The following LRRC4C variants were observed in gnomAD, a reference collection of about 807,000 sequenced individuals.
LRRC4C encodes leucine rich repeat containing 4C.
LRRC4C carries 5 observed loss-of-function variants against 33.6 expected under a neutral mutation model. The ratio of observed to expected loss-of-function variants is 0.15; its 90% CI spans 0.08 to 0.31. The LOEUF (loss-of-function observed/expected upper bound fraction) is 0.31. Among genes scored for constraint, LRRC4C ranks in the 10% least tolerant of loss-of-function variants. LRRC4C has a pLI of 1.00. For synonymous variants in LRRC4C, 329 were observed against 302.0 expected (o/e 1.09, Z -0.93); for missense variants, 560 against 796.7 (o/e 0.70, Z 3.58).
intron 1 of LRRC4C, among the ~76,000 whole-genome samples, chr11:41,193,505 G>A (rs1252870837): frequency 6.6e-6 from 1 of 152,112 alleles, no homozygotes; most frequent in Non-Finnish European, 1.5e-5. Context: ...AACCCATCAA[G>A]CTAGGAAGAA....
intron 1 of LRRC4C, among the ~76,000 whole-genome samples, chr11:41,289,348 T>C (rs1206171011): frequency 6.6e-6 from 1 of 152,202 alleles, no homozygotes; most frequent in Non-Finnish European, 1.5e-5. Flanking sequence ...AAGTGTATAC[T>C]GTAACCTTTA....
chr11:40,421,631 C>T (rs1016060071), intron 3 of LRRC4C, among the ~76,000 whole-genome samples: 8 of 152,186 alleles, frequency 5.3e-5, no homozygotes, highest in Admixed American at 5.2e-4. Context: ...TGATCTGCCC[C>T]ACTCATCGAC....
chr11:40,864,543 G>T (rs1006160228), intron 2 of LRRC4C, among the ~76,000 whole-genome samples: 1 of 152,170 alleles, frequency 6.6e-6, no homozygotes, highest in African/African-American at 2.4e-5. Context: ...GTCTTACAGA[G>T]AAACGTTGAT....
At chr11:41,274,459 C>T (rs1949416023) in intron 1 of LRRC4C, among the ~76,000 whole-genome samples, 1 of 152,084 alleles carries the variant, frequency 6.6e-6, no homozygotes, top group Non-Finnish European at 1.5e-5. Flanking sequence ...AAAGGAATTG[C>T]TAATGGACCA....
At chr11:40,696,748 G>GTGTATATATATATATATACA (rs368234307) in intron 2 of LRRC4C, among the ~76,000 whole-genome samples, 1 of 125,896 alleles carries the variant, frequency 7.9e-6, no homozygotes, top group African/African-American at 3.1e-5. Context: ...TATACACTGT[G>GTGTATATATATATATATACA]TATATATATA....
intron 3 of LRRC4C, among the ~76,000 whole-genome samples, chr11:40,618,098 C>A (rs1962046187): frequency 1.3e-5 from 2 of 151,596 alleles, no homozygotes; most frequent in South Asian, 2.1e-4. Context: ...GTGTCCTATT[C>A]AAAGTTCATA....
intron 5 of LRRC4C, among the ~76,000 whole-genome samples, chr11:40,154,007 G>A (rs980173631): frequency 1.3e-5 from 2 of 152,094 alleles, no homozygotes; most frequent in Non-Finnish European, 2.9e-5. Context: ...TGAGATGAAG[G>A]AAAGAATCTT....
chr11:40,736,831 A>G (rs904558266), intron 2 of LRRC4C, among the ~76,000 whole-genome samples: 4 of 148,568 alleles, frequency 2.7e-5, no homozygotes, highest in African/African-American at 4.9e-5. Flanking sequence ...GTGTCTGTTC[A>G]TATACTTTGC....
chr11:40,863,459 A>T (rs1156731446), intron 2 of LRRC4C, among the ~76,000 whole-genome samples: 1 of 152,182 alleles, frequency 6.6e-6, no homozygotes, highest in Admixed American at 6.5e-5. Flanking sequence ...TCATGATATC[A>T]TGGGCCACCC....
At chr11:40,194,811 G>A (rs771597270) in intron 5 of LRRC4C, among the ~76,000 whole-genome samples, 2 of 152,116 alleles carry the variant, frequency 1.3e-5, no homozygotes, top group African/African-American at 2.4e-5. Flanking sequence ...GACTGCGGCC[G>A]GGCATGGTGG....
chr11:40,186,977 T>C (rs1453770848), intron 5 of LRRC4C, among the ~76,000 whole-genome samples: 14 of 152,134 alleles, frequency 9.2e-5, no homozygotes, highest in Admixed American at 9.2e-4. Flanking sequence ...TGCTGGGGGA[T>C]GGCAGCAACT....
chr11:40,322,273 T>G (rs1453517550), intron 3 of LRRC4C, among the ~76,000 whole-genome samples: 1 of 151,622 alleles, frequency 6.6e-6, no homozygotes, highest in Non-Finnish European at 1.5e-5. Flanking sequence ...TGAGACAGAG[T>G]CTTACTCTGT....
intron 1 of LRRC4C, among the ~76,000 whole-genome samples, chr11:41,054,556 T>C (rs1213067009): frequency 6.6e-6 from 1 of 152,186 alleles, no homozygotes; most frequent in East Asian, 1.9e-4. Context: ...AAAAGCAACA[T>C]AAGTACTTTG....
At chr11:40,877,325 G>T (rs573602668) in intron 2 of LRRC4C, among the ~76,000 whole-genome samples, 2 of 152,222 alleles carry the variant, frequency 1.3e-5, no homozygotes, top group Non-Finnish European at 2.9e-5. Context: ...GACTTAAATA[G>T]TTCTGCAGCT....
intron 1 of LRRC4C, among the ~76,000 whole-genome samples, chr11:41,323,344 G>C (rs904882139): frequency 1.1e-4 from 16 of 152,142 alleles, no homozygotes; most frequent in Admixed American, 9.2e-4. Context: ...CAAGAGAAAT[G>C]ATGAGAGATA....
chr11:41,370,294 C>T (rs1389716788), intron 1 of LRRC4C, among the ~76,000 whole-genome samples: 1 of 152,118 alleles, frequency 6.6e-6, no homozygotes, highest in Non-Finnish European at 1.5e-5. Context: ...AGTGATCCTC[C>T]CACCTCAGCC....
chr11:41,353,380 A>T (rs1952050055), intron 1 of LRRC4C, among the ~76,000 whole-genome samples: 1 of 152,088 alleles, frequency 6.6e-6, no homozygotes, highest in African/African-American at 2.4e-5. Context: ...TAATTAAAAA[A>T]TAACATACCA....
intron 1 of LRRC4C, among the ~76,000 whole-genome samples, chr11:41,242,714 A>T (rs1485109679): frequency 1.3e-5 from 2 of 152,114 alleles, no homozygotes; most frequent in Non-Finnish European, 2.9e-5. Context: ...TGACCTTAAA[A>T]TCACCTTAGG....
At chr11:41,240,460 T>C (rs1352392388) in intron 1 of LRRC4C, among the ~76,000 whole-genome samples, 2 of 152,088 alleles carry the variant, frequency 1.3e-5, no homozygotes, top group Non-Finnish European at 1.5e-5. Flanking sequence ...TTCTGAAATA[T>C]TAAAGAACAA....
Sources: gnomAD v4.1 joint callset for allele counts (sites outside exome capture counted in the v4.1 genomes callset) on GRCh38, gnomAD v4.1.1 for gene constraint, MANE v1.5 for transcripts, NCBI Gene and HGNC (gene_info 2026-07-23, HGNC 2026-07-21) for gene names.